The following HSD17B12 variants were observed in gnomAD, a reference collection of about 807,000 sequenced individuals.
HSD17B12 encodes hydroxysteroid 17-beta dehydrogenase 12.
In HSD17B12, 32 loss-of-function variants were observed where a neutral mutation model predicts 39.3. The observed-to-expected ratio is 0.81, with a 90% CI of 0.61 to 1.09. The LOEUF (loss-of-function observed/expected upper bound fraction) is 1.09, where lower values mean the gene tolerates loss of function less well. Among genes scored for constraint, HSD17B12 ranks in the 50% least tolerant of loss-of-function variants. The probability of loss-of-function intolerance (pLI) is 0.00; values close to 1 mark genes in which losing one functional copy is unlikely to be tolerated. For synonymous variants in HSD17B12, 150 were observed against 146.7 expected (o/e 1.02, Z -0.16); for missense variants, 342 against 382.9 (o/e 0.89, Z 0.89).
chr11:43,758,004 C>G (rs1016974864), intron 3 of HSD17B12, among the ~76,000 whole-genome samples: 2 of 152,118 alleles, frequency 1.3e-5, no homozygotes, highest in African/African-American at 4.8e-5. Flanking sequence ...ACTAACGTTT[C>G]TATTTTCTTA....
At chr11:43,602,671 A>T in the HSD17B12 span, among the ~76,000 whole-genome samples, 2 of 152,180 alleles carry the variant, frequency 1.3e-5, no homozygotes, top group Admixed American at 6.5e-5. Flanking sequence ...GATTTATGCT[A>T]TTTAAGGGCA....
intron 9 of HSD17B12, chr11:43,848,557 A>C (rs1434347371): frequency 1.3e-5 from 2 of 152,236 alleles, no homozygotes; most frequent in African/African-American, 4.8e-5. Context: ...AATAATTGCT[A>C]ATACATACTA....
At chr11:43,823,207 G>A (rs1012842957) in intron 6 of HSD17B12, among the ~76,000 whole-genome samples, 3 of 151,814 alleles carry the variant, frequency 2.0e-5, no homozygotes, top group Non-Finnish European at 4.4e-5. Flanking sequence ...AGTGTCATGC[G>A]CCCACTGCAT....
chr11:43,665,790 C>CAA, the HSD17B12 span, among the ~76,000 whole-genome samples: 1 of 152,124 alleles, frequency 6.6e-6, no homozygotes, highest in African/African-American at 2.4e-5. Flanking sequence ...CACACACACA[C>CAA]AAGCATGCCT....
At chr11:43,714,458 G>C (rs1039916067) in intron 1 of HSD17B12, among the ~76,000 whole-genome samples, 9 of 152,156 alleles carry the variant, frequency 5.9e-5, no homozygotes, top group African/African-American at 2.2e-4. Context: ...ATTTCTGAGG[G>C]TTCTGTTCTG....
the HSD17B12 span, among the ~76,000 whole-genome samples, chr11:43,567,997 A>T: frequency 6.6e-6 from 1 of 152,208 alleles, no homozygotes; most frequent in African/African-American, 2.4e-5. Flanking sequence ...GTGGCACTTG[A>T]TCTCATCACC....
At chr11:43,734,562 C>T in intron 1 of HSD17B12, 1 of 531,518 alleles carries the variant, frequency 1.9e-6, no homozygotes, top group Non-Finnish European at 3.3e-6. Context: ...CCAGCTGCCC[C>T]AGTGAGGGCC....
At chr11:43,738,858 A>G (rs1343665453) in intron 1 of HSD17B12, among the ~76,000 whole-genome samples, 2 of 152,234 alleles carry the variant, frequency 1.3e-5, no homozygotes, top group Non-Finnish European at 2.9e-5. Flanking sequence ...TCAGTTTGCA[A>G]AACAGAGAGT....
intron 4 of HSD17B12, among the ~76,000 whole-genome samples, chr11:43,814,463 A>G (rs2135076959): frequency 6.6e-6 from 1 of 152,276 alleles, no homozygotes; most frequent in Admixed American, 6.5e-5. Flanking sequence ...TATTTTATTC[A>G]TTGATTGATT....
At chr11:43,716,689 C>G (rs1950126322) in intron 1 of HSD17B12, among the ~76,000 whole-genome samples, 1 of 149,050 alleles carries the variant, frequency 6.7e-6, no homozygotes. Flanking sequence ...ATAAATTATA[C>G]TGTACTCAAC....
the HSD17B12 span, among the ~76,000 whole-genome samples, chr11:43,612,347 A>G: frequency 1.3e-5 from 2 of 152,328 alleles, no homozygotes; most frequent in South Asian, 4.1e-4. Flanking sequence ...TATATTGCAC[A>G]TAATATTTAA....
intron 1 of HSD17B12, among the ~76,000 whole-genome samples, chr11:43,744,972 C>T (rs1027242660): frequency 1.3e-5 from 2 of 152,206 alleles, no homozygotes; most frequent in South Asian, 2.1e-4. Flanking sequence ...CAAGGCAGCC[C>T]GCCTTTGGCT....
intron 3 of HSD17B12, among the ~76,000 whole-genome samples, chr11:43,780,277 T>C (rs570066999): frequency 1.3e-5 from 2 of 152,314 alleles, no homozygotes; most frequent in African/African-American, 2.4e-5. Context: ...GCGATTCTCC[T>C]GCCTCAGCCT....
At chr11:43,618,101 G>A in the HSD17B12 span, among the ~76,000 whole-genome samples, 2 of 152,040 alleles carry the variant, frequency 1.3e-5, no homozygotes, top group Non-Finnish European at 2.9e-5. Context: ...TTTTTCTCTG[G>A]TCACCACAGT....
chr11:43,562,268 G>A, the HSD17B12 span, among the ~76,000 whole-genome samples: 143,970 of 152,340 alleles, frequency 0.95, 68,560 homozygotes, highest in East Asian at 1. Context: ...TCAGCAATAG[G>A]AGTAGGCATA....
intron 1 of HSD17B12, among the ~76,000 whole-genome samples, chr11:43,713,825 G>T (rs1409459845): frequency 6.6e-6 from 1 of 152,150 alleles, no homozygotes; most frequent in Non-Finnish European, 1.5e-5. Context: ...CATTCTAACT[G>T]GTATGAGATG....
At chr11:43,826,015 T>TTAGCATACTTAGCATACTATAG (rs1216996691) in intron 6 of HSD17B12, among the ~76,000 whole-genome samples, 1 of 152,208 alleles carries the variant, frequency 6.6e-6, no homozygotes, top group African/African-American at 2.4e-5. Flanking sequence ...TTGGAAACTC[T>TTAGCATACTTAGCATACTATAG]TAGCATACTA....
At chr11:43,630,686 T>C in the HSD17B12 span, among the ~76,000 whole-genome samples, 1 of 152,206 alleles carries the variant, frequency 6.6e-6, no homozygotes, top group Admixed American at 6.5e-5. Context: ...GGCTTGGTAA[T>C]GAAGGGTACA....
At chr11:43,742,346 T>C (rs1401079106) in intron 1 of HSD17B12, among the ~76,000 whole-genome samples, 1 of 151,494 alleles carries the variant, frequency 6.6e-6, no homozygotes, top group Admixed American at 6.6e-5. Flanking sequence ...CTCGCTATGT[T>C]GCCCAGGCTG....
Sources: allele counts gnomAD v4.1 joint callset (sites outside exome capture counted in the v4.1 genomes callset), GRCh38; gene constraint gnomAD v4.1.1; transcripts MANE v1.5; gene names NCBI Gene and HGNC (gene_info 2026-07-23, HGNC 2026-07-21).